The following INPP5B variants were observed in gnomAD, a reference collection of about 807,000 sequenced individuals.
INPP5B encodes type II inositol 1,4,5-trisphosphate 5-phosphatase.
Under a neutral mutation model 118.5 loss-of-function variants are expected in INPP5B, and 90 were observed. That is an observed-to-expected ratio of 0.76 (90% CI 0.64 to 0.90). The LOEUF is 0.90. Ranked by LOEUF, INPP5B falls within the 40% of genes least tolerant of loss-of-function variation. INPP5B has a pLI of 0.00. For missense variants in INPP5B, 984 were observed against 1,125.6 expected (o/e 0.87, Z 1.80); for synonymous variants, 385 against 418.9 (o/e 0.92, Z 0.99).
chr1:37,897,227 G>T (rs1259382515), intron 7 of INPP5B, among the ~76,000 whole-genome samples: 2 of 151,680 alleles, frequency 1.3e-5, no homozygotes, highest in Non-Finnish European at 1.5e-5. Flanking sequence ...CCCCGTCTGG[G>T]AGGTGTACCC....
At chr1:37,883,218 C>T (rs1269543618) in intron 13 of INPP5B, 2 of 985,186 alleles carry the variant, frequency 2.0e-6, no homozygotes, top group African/African-American at 3.5e-5. Context: ...TACCCCATTC[C>T]TGGGAAGAGG....
chr1:37,895,227 A>G (rs1341524547), intron 7 of INPP5B, among the ~76,000 whole-genome samples: 6 of 152,222 alleles, frequency 3.9e-5, no homozygotes, highest in Non-Finnish European at 7.3e-5. Context: ...CATTGATAGT[A>G]GGCATGGAAA....
chr1:37,928,970 C>T (rs1645345261), intron 7 of INPP5B: 1 of 152,062 alleles, frequency 6.6e-6, no homozygotes, highest in South Asian at 2.1e-4. Flanking sequence ...AGATGTAACT[C>T]TCCTCTGAGG....
rs1185636718 is a variant in INPP5B at position 37,862,081 on chromosome 1, A to G, written c.*234T>C. The stretch of plus-strand genomic sequence containing the variant: ...ATAAAAAAATCTGTGTTAAATAACT[A>G]AAGTTGAAAATTGAATGTCAGTTTT... On this transcript the variant is annotated 3_prime_UTR_variant, in exon 24 of 24. Coordinates refer to ENST00000373024, the MANE Select transcript of INPP5B (RefSeq NM_005540.3). 1 of 449,498 alleles carries G rather than the reference A, an allele frequency of 2.2e-6. No homozygotes were observed. Among genetic ancestry groups the G allele is most frequent in the African/African-American group, 2.0e-5 (1 of 49,802 alleles). The allele number at this position is 449,498 out of a possible 1,614,324, so 27.8% of individuals were successfully genotyped here. A position where few individuals can be genotyped will look rare whatever the true frequency, so the allele number is the denominator to read the frequency against.
At chr1:37,872,370 C>CAAA (rs371968500) in intron 19 of INPP5B, among the ~76,000 whole-genome samples, 51 of 102,018 alleles carry the variant, frequency 5.0e-4, no homozygotes, top group South Asian at 2.5e-3. Context: ...AACTCCGTCT[C>CAAA]AAAAAAAAAA....
intron 16 of INPP5B, among the ~76,000 whole-genome samples, chr1:37,876,549 C>CT (rs1330556272): frequency 0.035 from 1,871 of 53,900 alleles, 63 homozygotes; most frequent in Middle Eastern, 0.23. Context: ...GATGCTGTCT[C>CT]TTTAAAAAAA....
chr1:37,888,701 C>T (rs1304642217), intron 9 of INPP5B, among the ~76,000 whole-genome samples: 1 of 152,160 alleles, frequency 6.6e-6, no homozygotes, highest in Non-Finnish European at 1.5e-5. Flanking sequence ...GAAAGCAACA[C>T]CAGTATTCAA....
At chr1:37,937,306 G>A (rs34789494) in intron 6 of INPP5B, among the ~76,000 whole-genome samples, 17,190 of 151,706 alleles carry the variant, frequency 0.11, 1,014 homozygotes, top group East Asian at 0.18. Context: ...GCAAGACTCC[G>A]TCTCACAAAA....
intron 16 of INPP5B, among the ~76,000 whole-genome samples, chr1:37,877,502 T>C (rs1040129424): frequency 6.6e-6 from 1 of 152,256 alleles, no homozygotes; most frequent in Admixed American, 6.5e-5. Context: ...AATAAACTTA[T>C]ACATGGTTGG....
chr1:37,913,748 C>T (rs555689002), intron 7 of INPP5B, among the ~76,000 whole-genome samples: 66 of 152,272 alleles, frequency 4.3e-4, no homozygotes, highest in African/African-American at 1.5e-3. Flanking sequence ...ACTTCACCAC[C>T]ATTTTGTTTT....
intron 6 of INPP5B, among the ~76,000 whole-genome samples, chr1:37,939,904 C>T (rs932047245): frequency 1.3e-5 from 2 of 152,092 alleles, no homozygotes; most frequent in Admixed American, 6.6e-5. Context: ...CTAAGCCTAG[C>T]TGTTTCTTCT....
intron 13 of INPP5B, chr1:37,883,604 ACCAAAATTAATG>A (rs1440480321): frequency 1.0e-6 from 1 of 985,266 alleles, no homozygotes; most frequent in African/African-American, 1.7e-5. Context: ...GTACACGCAC[ACCAAAATTAATG>A]CATCCACAAA....
At chr1:37,889,481 T>C in intron 9 of INPP5B, 76 bp downstream of exon 9, 1 of 1,115,380 alleles carries the variant, frequency 9.0e-7, no homozygotes, top group Non-Finnish European at 1.3e-6. Flanking sequence ...AATCCAGGTA[T>C]AGGAGGAAGT....
At chr1:37,872,249 A>C (rs1642499709) in intron 19 of INPP5B, among the ~76,000 whole-genome samples, 1 of 151,632 alleles carries the variant, frequency 6.6e-6, no homozygotes, top group Admixed American at 6.6e-5. Context: ...GCATGCCTGT[A>C]GTCCCAGCTA....
chr1:37,943,536 G>T, intron 5 of INPP5B, 104 bp downstream of exon 5: 2 of 1,239,180 alleles, frequency 1.6e-6, no homozygotes, highest in Non-Finnish European at 2.3e-6. Context: ...CTTACTTGCT[G>T]CAATAAGTTT....
chr1:37,931,861 TG>T (rs749103055), intron 7 of INPP5B, 51 bp downstream of exon 7: 1,161 of 1,612,110 alleles, frequency 7.2e-4, no homozygotes, highest in Non-Finnish European at 9.0e-4. Flanking sequence ...GCCCGCCCCC[TG>T]TGGCCGGGCC....
intron 13 of INPP5B, chr1:37,885,392 C>T (rs1273671395): frequency 8.7e-6 from 3 of 346,382 alleles, no homozygotes; most frequent in Admixed American, 4.1e-5. Flanking sequence ...CCAGCCTAGG[C>T]GACAGAGCGC....
intron 7 of INPP5B, among the ~76,000 whole-genome samples, chr1:37,906,314 C>G (rs1644499467): frequency 6.6e-6 from 1 of 152,174 alleles, no homozygotes; most frequent in South Asian, 2.1e-4. Flanking sequence ...GAGAAATTTA[C>G]CCAACTTACA....
chr1:37,903,300 C>A (rs993875563), intron 7 of INPP5B, among the ~76,000 whole-genome samples: 1 of 152,206 alleles, frequency 6.6e-6, no homozygotes, highest in African/African-American at 2.4e-5. Flanking sequence ...CCTAGGTCAT[C>A]CTCATTGCTA....
Sources: allele counts gnomAD v4.1 joint callset (sites outside exome capture counted in the v4.1 genomes callset), GRCh38; gene constraint gnomAD v4.1.1; transcripts MANE v1.5; gene names NCBI Gene and HGNC (gene_info 2026-07-23, HGNC 2026-07-21).